The following FSHR variants were observed in gnomAD, a reference collection of about 807,000 sequenced individuals.
FSHR encodes the protein follicle-stimulating hormone receptor.
In FSHR, 46 loss-of-function variants were observed where a neutral mutation model predicts 52.1. The ratio of observed to expected loss-of-function variants is 0.88; its 90% CI spans 0.70 to 1.13. The LOEUF is 1.13. Among genes scored for constraint, FSHR ranks in the 50% most tolerant of loss-of-function variants. The pLI, the probability that FSHR is intolerant of heterozygous loss-of-function variation, is 0.00. For missense variants in FSHR, 964 were observed against 834.6 expected (o/e 1.16, Z -1.91); for synonymous variants, 399 against 309.6 (o/e 1.29, Z -3.03).
chr2:48,992,116 C>G (rs59917762), intron 4 of FSHR, among the ~76,000 whole-genome samples: 2,529 of 151,790 alleles, frequency 0.017, 72 homozygotes, highest in African/African-American at 0.057. Context: ...TTGAGTTAGT[C>G]TCCCTTTGCT....
Position 48,988,993 on chromosome 2 carries a change from A to G in FSHR, c.508T>C (p.Phe170Leu), listed in dbSNP as rs1431708901. The change falls in exon 6 of 10, where the codon TTT becomes CTT. Residue 170 changes from phenylalanine (F) to leucine (L), a missense_variant. Phe to Leu is a conservative substitution (Grantham distance 22, BLOSUM62 0). Coordinates refer to ENST00000406846, the MANE Select transcript of FSHR (RefSeq NM_000145.4). ...CTTACTTACAGAATCACACTTTCAA[A>G]GCTCAGCCCCACGAAAGAATTTCTT... ...IERNSFVGLS[F>L]ESVILWLNKN... 2 of 1,613,780 alleles carry G rather than the reference A, an allele frequency of 1.2e-6. No individual in the cohort carries two copies. Among genetic ancestry groups the G allele is most frequent in the African/African-American group, 2.7e-5 (2 of 74,928 alleles).
At chr2:49,023,832 A>G (rs12713034) in intron 2 of FSHR, among the ~76,000 whole-genome samples, 55,532 of 152,050 alleles carry the variant, frequency 0.37, 10,882 homozygotes, top group Non-Finnish European at 0.45. Context: ...GGATAGGGAC[A>G]TGTGCTTCCA....
chr2:49,028,397 C>G (rs1016005085), intron 2 of FSHR, among the ~76,000 whole-genome samples: 2 of 152,186 alleles, frequency 1.3e-5, no homozygotes, highest in East Asian at 3.8e-4. Context: ...GGAAGCCAGA[C>G]AGGTCTAGAT....
At chr2:49,128,017 C>A (rs1169138263) in intron 1 of FSHR, among the ~76,000 whole-genome samples, 1 of 151,270 alleles carries the variant, frequency 6.6e-6, no homozygotes, top group African/African-American at 2.4e-5. Flanking sequence ...CTCAGCCTCC[C>A]AAGTAGCTGG....
intron 2 of FSHR, among the ~76,000 whole-genome samples, chr2:49,050,739 G>A (rs1668826762): frequency 6.6e-6 from 1 of 152,106 alleles, no homozygotes. Flanking sequence ...TGGAATAATT[G>A]CTGATTTTAA....
rs972355669 is a variant in FSHR, at chr2:49,010,457, A to G, written c.374+7032T>C. 9.7e-3 allele frequency among the ~76,000 whole-genome samples: 1,471 copies of G among 152,216 alleles called. 19 individuals carry two copies. Among genetic ancestry groups the G allele is most frequent in the Middle Eastern group, 0.037 (11 of 294 alleles). ...GTATTTTATTGAAGATTTTTGCATCAATGTTCATCAGGGATATTGGTCTAA... is the reference window on the plus strand; with the variant it reads ...GTATTTTATTGAAGATTTTTGCATCGATGTTCATCAGGGATATTGGTCTAA... On this transcript the variant is annotated intron_variant, in intron 4 of 9. Transcript: ENST00000406846.
intron 6 of FSHR, among the ~76,000 whole-genome samples, chr2:48,987,017 A>G (rs1208966640): frequency 6.6e-6 from 1 of 152,166 alleles, no homozygotes; most frequent in East Asian, 1.9e-4. Context: ...CATATATTTC[A>G]AGAAAGATCC....
chr2:49,017,677 T>C, intron 3 of FSHR, 114 bp from the exon 4 acceptor site: 2 of 774,562 alleles, frequency 2.6e-6, no homozygotes, highest in Non-Finnish European at 4.5e-6. Flanking sequence ...CATCCACCCA[T>C]CTATTCATCC....
chr2:49,068,677 C>A (rs1280626604), intron 1 of FSHR, among the ~76,000 whole-genome samples: 9 of 152,070 alleles, frequency 5.9e-5, no homozygotes, highest in African/African-American at 1.9e-4. Context: ...TCTCAGCTGA[C>A]CTTGCCTTCT....
chr2:49,111,109 T>C (rs1671405825), intron 1 of FSHR, among the ~76,000 whole-genome samples: 2 of 152,154 alleles, frequency 1.3e-5, no homozygotes, highest in African/African-American at 2.4e-5. Flanking sequence ...CTGGATTAGT[T>C]CAGTTGTCAC....
At chr2:49,059,189 G>C (rs1422936001) in intron 2 of FSHR, among the ~76,000 whole-genome samples, 1 of 151,782 alleles carries the variant, frequency 6.6e-6, no homozygotes, top group African/African-American at 2.4e-5. Context: ...GCCTGACTAA[G>C]ACCTTGTCTC....
At position 49,127,830 on chromosome 2, in the gene FSHR, CTCTTCTTCTTCTTCT is replaced by C. The variant is rs869083755; in HGVS notation, c.152+26421_152+26435del. ...CTTCTTCTTCTTCTTCTTCTTCTTC[CTCTTCTTCTTCTTCT>C]TCTTCTTCTTCTTCTTCTTCTTCTT... On this transcript the variant is annotated intron_variant, in intron 1 of 9. Transcript: ENST00000406846. 1.1e-3 allele frequency among the ~76,000 whole-genome samples: 24 copies of C among 21,044 alleles called. 1 individual carries two copies. The highest frequency in any genetic ancestry group is 2.4e-3 in the Admixed American group (4 of 1,642). 13.8% of individuals were successfully genotyped at this position (21,044 alleles called of 152,430 possible).
chr2:49,092,398 C>T (rs939570128), intron 1 of FSHR, among the ~76,000 whole-genome samples: 25 of 152,158 alleles, frequency 1.6e-4, no homozygotes, highest in African/African-American at 5.3e-4. Context: ...GCAAAGGCTT[C>T]TAGTACTATG....
At chr2:49,068,972 CA>C (rs1468916793) in intron 1 of FSHR, among the ~76,000 whole-genome samples, 2 of 152,092 alleles carry the variant, frequency 1.3e-5, no homozygotes, top group Non-Finnish European at 2.9e-5. Flanking sequence ...GATATAAAAG[CA>C]TGCCATAATG....
intron 4 of FSHR, among the ~76,000 whole-genome samples, chr2:49,009,109 A>G (rs533510941): frequency 1.9e-4 from 29 of 151,798 alleles, no homozygotes; most frequent in African/African-American, 6.3e-4. Flanking sequence ...GCCCATGCCT[A>G]TGTCCTGAAT....
Position 49,053,492 on chromosome 2 carries a change from A to G in FSHR, c.224+14727T>C, listed in dbSNP as rs551439975. 5.3e-5 allele frequency among the ~76,000 whole-genome samples: 8 copies of G among 152,334 alleles called. No homozygotes were observed. In the East Asian group the frequency reaches 1.3e-3, roughly 26 times the overall value. On this transcript the variant is annotated intron_variant, in intron 2 of 9. Transcript: ENST00000406846. ...TGACATATGGCTCCGAAGTAATTAA[A>G]GACAATGTAAACAGTTTACAGTGCA...
At chr2:49,134,765 T>C (rs1013772714) in intron 1 of FSHR, among the ~76,000 whole-genome samples, 2 of 152,190 alleles carry the variant, frequency 1.3e-5, no homozygotes, top group Admixed American at 6.5e-5. Context: ...GTCCTTTGTA[T>C]GGACATGGAT....
intron 4 of FSHR, among the ~76,000 whole-genome samples, chr2:48,992,605 G>T: frequency 6.6e-6 from 1 of 152,024 alleles, no homozygotes; most frequent in East Asian, 1.9e-4. Context: ...TTCTCATGAA[G>T]GTGTTTTTTT....
chr2:49,141,992 G>A (rs1248603586), intron 1 of FSHR, among the ~76,000 whole-genome samples: 2 of 152,158 alleles, frequency 1.3e-5, no homozygotes, highest in Non-Finnish European at 2.9e-5. Context: ...CAAAATTGTT[G>A]GGCAAGATGC....
Sources: allele counts gnomAD v4.1 joint callset (sites outside exome capture counted in the v4.1 genomes callset), GRCh38; gene constraint gnomAD v4.1.1; transcripts MANE v1.5; gene names NCBI Gene and HGNC (gene_info 2026-07-23, HGNC 2026-07-21).